Variants in KLHL13 observed in about 807,000 individuals in gnomAD.
The protein encoded by KLHL13 is kelch like family member 13.
A neutral mutation model predicts 37.1 loss-of-function variants in KLHL13; 10 were observed. The observed-to-expected ratio is 0.27, with a 90% confidence interval of 0.17 to 0.46. The LOEUF (loss-of-function observed/expected upper bound fraction) is 0.46. Ranked by LOEUF, KLHL13 falls within the 20% of genes least tolerant of loss-of-function variation. KLHL13 has a pLI of 1.00. For missense variants in KLHL13, 360 were observed against 509.3 expected (o/e 0.71, Z 2.82); for synonymous variants, 163 against 181.2 (o/e 0.90, Z 0.81).
intron 1 of KLHL13, among the ~76,000 whole-genome samples, chrX:118,007,392 A>AAGAG (rs1555984409): frequency 5.8e-5 from 6 of 103,978 alleles, no homozygotes; most frequent in African/African-American, 2.3e-4. Context: ...AAAAAAAAAA[A>AAGAG]AGAGAGAGAG....
At chrX:118,061,096 T>A (rs761557431) in intron 1 of KLHL13, among the ~76,000 whole-genome samples, 1 of 111,736 alleles carries the variant, frequency 8.9e-6, no homozygotes, top group Non-Finnish European at 1.9e-5. Context: ...TCCACAACAG[T>A]CACACTGAAA....
At chrX:118,057,891 T>C (rs922190975) in intron 1 of KLHL13, among the ~76,000 whole-genome samples, 5 of 110,242 alleles carry the variant, frequency 4.5e-5, no homozygotes, top group African/African-American at 1.6e-4. Flanking sequence ...TACCTGACAA[T>C]AAATTATATG....
chrX:117,916,408 T>A (rs773588746), intron 4 of KLHL13, among the ~76,000 whole-genome samples: 2 of 111,872 alleles, frequency 1.8e-5, no homozygotes, highest in African/African-American at 3.3e-5. Context: ...CTCTTTTCCA[T>A]AACTCCAAGA....
rs551291962 is a variant in KLHL13, at chrX:117,922,052, T to C, written c.241-1682A>G. On this transcript the variant is annotated intron_variant, in intron 2 of 6. Coordinates refer to ENST00000262820, the Ensembl canonical transcript of KLHL13. ...CCTATGCCACTATTTTTATTTTCCA[T>C]TACTAATTCGTCTGCTGTCTCTGTT... Among the ~76,000 whole-genome samples the C allele has an allele frequency of 1.3e-4, 15 of 112,151 alleles. 1 individual carries two copies. The South Asian group carries it at 5.6e-3, about 42-fold the overall frequency.
intron 1 of KLHL13, among the ~76,000 whole-genome samples, chrX:118,004,381 G>A (rs911074675): frequency 8.9e-5 from 10 of 111,827 alleles, no homozygotes; most frequent in African/African-American, 1.6e-4. Context: ...ATTTTGGTTC[G>A]AGATATGATT....
chrX:117,923,989 G>A (rs1310670332), intron 2 of KLHL13, among the ~76,000 whole-genome samples: 1 of 111,818 alleles, frequency 8.9e-6, no homozygotes, highest in African/African-American at 3.2e-5. Flanking sequence ...CCTTTGGCAA[G>A]TTATCTGCTT....
intron 2 of KLHL13, among the ~76,000 whole-genome samples, chrX:117,932,848 C>T (rs1453389653): frequency 2.7e-5 from 3 of 111,407 alleles, no homozygotes; most frequent in African/African-American, 9.8e-5. Flanking sequence ...TAAGAGTTCC[C>T]TTTTCTCCAC....
At chrX:117,936,461 C>T (rs1932765351) in intron 2 of KLHL13, among the ~76,000 whole-genome samples, 1 of 112,085 alleles carries the variant, frequency 8.9e-6, no homozygotes, top group Non-Finnish European at 1.9e-5. Flanking sequence ...ACACCTTATT[C>T]GGTATACCCA....
chrX:117,905,503 G>A (rs893548891), intron 5 of KLHL13, among the ~76,000 whole-genome samples: 4 of 95,296 alleles, frequency 4.2e-5, no homozygotes, highest in Admixed American at 1.0e-4. Flanking sequence ...GTGCTAGTGC[G>A]TGCACACACA....
At chrX:118,065,034 A>AT (rs2054780819) in intron 1 of KLHL13, among the ~76,000 whole-genome samples, 1 of 111,712 alleles carries the variant, frequency 9.0e-6, no homozygotes, top group South Asian at 3.7e-4. Flanking sequence ...TCTTTAGCCT[A>AT]TAACACCTTC....
intron 2 of KLHL13, among the ~76,000 whole-genome samples, chrX:117,932,044 T>C (rs1201534205): frequency 9.0e-6 from 1 of 111,317 alleles, no homozygotes; most frequent in Admixed American, 9.6e-5. Context: ...AATTTTTAAT[T>C]ATAATTGACA....
chrX:118,073,098 A>G (rs2054889421), intron 1 of KLHL13, among the ~76,000 whole-genome samples: 1 of 109,749 alleles, frequency 9.1e-6, no homozygotes, highest in Non-Finnish European at 1.9e-5. Context: ...TCTCTCAAAA[A>G]AAAAAAAACC....
upstream of KLHL13, chrX:118,116,908 TGGC>T (rs2055478967): frequency 3.2e-5 from 1 of 30,972 alleles, no homozygotes; most frequent in Non-Finnish European, 6.1e-5. Context: ...GCGGCGGGGG[TGGC>T]CCCGGCGGCG....
At chrX:118,034,558 A>C (rs2054408934) in intron 1 of KLHL13, among the ~76,000 whole-genome samples, 1 of 84,097 alleles carries the variant, frequency 1.2e-5, no homozygotes, top group Non-Finnish European at 2.2e-5. Context: ...ACAAAGACAC[A>C]ACATACCAGA....
At chrX:118,035,600 A>C (rs1320338618) in intron 1 of KLHL13, among the ~76,000 whole-genome samples, 1 of 109,776 alleles carries the variant, frequency 9.1e-6, no homozygotes, top group African/African-American at 3.4e-5. Flanking sequence ...TCTCAAAATA[A>C]TAAGAGCTAT....
intron 1 of KLHL13, among the ~76,000 whole-genome samples, chrX:118,036,261 A>C (rs1475292752): frequency 9.0e-6 from 1 of 110,856 alleles, no homozygotes; most frequent in African/African-American, 3.3e-5. Context: ...TTCATATGGA[A>C]CCAAAAAAGA....
At chrX:117,978,781 T>C (rs1243437253) in intron 1 of KLHL13, among the ~76,000 whole-genome samples, 1 of 100,182 alleles carries the variant, frequency 1.0e-5, no homozygotes, top group Non-Finnish European at 1.9e-5. Flanking sequence ...ATCTATACTC[T>C]TTATGGCTTT....
chrX:118,048,423 G>C (rs953006032), intron 1 of KLHL13, among the ~76,000 whole-genome samples: 1 of 111,146 alleles, frequency 9.0e-6, no homozygotes, highest in African/African-American at 3.3e-5. Flanking sequence ...GGAGAGGATA[G>C]TAGGAAAATG....
chrX:117,977,065 C>A (rs2053605091), upstream of KLHL13, among the ~76,000 whole-genome samples: 1 of 112,033 alleles, frequency 8.9e-6, no homozygotes, highest in South Asian at 3.6e-4. Context: ...AGAATCCCTA[C>A]TGTTCTTCCC....
Sources: gnomAD v4.1 joint callset for allele counts (sites outside exome capture counted in the v4.1 genomes callset) on GRCh38, gnomAD v4.1.1 for gene constraint, MANE v1.5 for transcripts, NCBI Gene and HGNC (gene_info 2026-07-23, HGNC 2026-07-21) for gene names.